NCAPH2: variants seen among roughly 807,000 people sequenced by gnomAD.
The protein encoded by NCAPH2 is non-SMC condensin II complex subunit H2, also known as condensin-2 complex subunit H2.
Under a neutral mutation model 88.6 loss-of-function variants are expected in NCAPH2, and 56 were observed. The ratio of observed to expected loss-of-function variants is 0.63; its 90% CI spans 0.51 to 0.79. The LOEUF (loss-of-function observed/expected upper bound fraction) is 0.79. NCAPH2 is among the 30% of genes least tolerant of loss of function. NCAPH2 has a pLI of 0.00. For missense variants in NCAPH2, 794 were observed against 792.0 expected (o/e 1.00, Z -0.03); for synonymous variants, 378 against 313.6 (o/e 1.21, Z -2.17).
chr22:50,518,481 G>C (rs1161130026), intron 7 of NCAPH2, among the ~76,000 whole-genome samples, 168 bp from the exon 8 acceptor site: 1 of 152,196 alleles, frequency 6.6e-6, no homozygotes, highest in African/African-American at 2.4e-5. Context: ...CTCAGTGCCA[G>C]AGACCTGGTG....
At position 50,523,966 on chromosome 22, in the gene NCAPH2, CGCACCACCT is replaced by C. The variant is rs1569521526; in HGVS notation, c.*598_*606del. 8.1e-6 allele frequency: 13 copies of C among 1,612,284 alleles called. No individual in the cohort carries two copies. The Admixed American group carries it at 8.3e-5, about 10-fold the overall frequency. ...CAAACCAGGCTCTGCTTCCAGCTGC[CGCACCACCT>C]GCACCAGCTTCTCCAGCTCGTCTGG... On this transcript the variant is annotated 3_prime_UTR_variant, in exon 20 of 20. Coordinates refer to ENST00000420993, the MANE Select transcript of NCAPH2 (RefSeq NM_152299.4).
chr22:50,511,806 T>C (rs6010126), intron 1 of NCAPH2, among the ~76,000 whole-genome samples: 20,205 of 150,732 alleles, frequency 0.13, 3,364 homozygotes, highest in African/African-American at 0.39. Context: ...CCACCACGCC[T>C]GGCTAATTTT....
At position 50,519,214 on chromosome 22, in the gene NCAPH2, C is replaced by T. The variant is rs751662903; in HGVS notation, c.755C>T (p.Pro252Leu). 1.9e-6 allele frequency: 3 copies of T among 1,610,830 alleles called. No individual in the cohort carries two copies. The highest frequency in any genetic ancestry group is 1.1e-5 in the South Asian group (1 of 90,420). Residue 252 changes from proline (P) to leucine (L), a missense_variant, in exon 9 of 20, where the codon CCC (proline) becomes CTC (leucine). Transcript: ENST00000420993. ...GGCCCCTCTCCAGAAGGCCCGATGC[C>T]CCTGGGTGGGGGCGAGGACGAGGAT... ...EPGPSPEGPM[P>L]LGGGEDEDAE...
At position 50,524,231 on chromosome 22, in the gene NCAPH2, G is replaced by A. The variant is rs751647088; in HGVS notation, c.*856G>A. On this transcript the variant is annotated 3_prime_UTR_variant, in exon 20 of 20. Coordinates refer to ENST00000420993, the MANE Select transcript of NCAPH2 (RefSeq NM_152299.4). ...GCCCCGAACAGGCCTGTGATCAGCA[G>A]CCGGGTTCGAAGCCCAGGGCCCTGG... 4 of 1,607,216 alleles carry A rather than the reference G, an allele frequency of 2.5e-6. No individual in the cohort carries two copies. The highest frequency in any genetic ancestry group is 1.7e-5 in the Admixed American group (1 of 60,006).
chr22:50,514,551 A>G (rs905614171), intron 1 of NCAPH2, among the ~76,000 whole-genome samples: 1 of 152,184 alleles, frequency 6.6e-6, no homozygotes, highest in African/African-American at 2.4e-5. Context: ...TGGGGAGGTG[A>G]GAAGACAAGT....
chr22:50,518,673 C>A lies in NCAPH2; in HGVS notation c.671C>A (p.Pro224Gln). 1 of 1,609,374 alleles carries A rather than the reference C, an allele frequency of 6.2e-7. No homozygotes were observed. Among genetic ancestry groups the A allele is most frequent in the Non-Finnish European group, 8.5e-7 (1 of 1,178,748 alleles). ...GACACCGGGAGGACTGAGGAGCAGC[C>A]AATGGAAGTTTCCGTGTGCAGGAGC... Reference protein sequence around the residue: ...QKDTGRTEEQPMEVSVCRSPV... With the variant: ...QKDTGRTEEQQMEVSVCRSPV... The change falls in exon 8 of 20, where the codon CCA becomes CAA. Residue 224 changes from proline to glutamine, a missense_variant. By Grantham distance (76) the Pro-to-Gln change is moderately conservative. Around this residue, in one of 2 missense-constraint regions of NCAPH2, gnomAD observed 735 missense variants for 696.3 expected, o/e 1.06. Coordinates refer to ENST00000420993, the MANE Select transcript of NCAPH2 (RefSeq NM_152299.4).
chr22:50,519,209 G>A lies in NCAPH2; in HGVS notation c.750G>A (p.Pro250=), dbSNP rs773443373. Residue 250 remains proline (P), a synonymous_variant, in exon 9 of 20, where the codon CCG becomes CCA. Transcript: ENST00000420993. The part of the protein sequence containing the change: ...SQEPGPSPEG[P]MPLGGGEDED... ...GCCTAGGCCCCTCTCCAGAAGGCCCGATGCCCCTGGGTGGGGGCGAGGACG... is the reference window on the plus strand; with the variant it reads ...GCCTAGGCCCCTCTCCAGAAGGCCCAATGCCCCTGGGTGGGGGCGAGGACG... 2.6e-5 allele frequency: 42 copies of A among 1,610,246 alleles called. No individual in the cohort carries two copies. The highest frequency in any genetic ancestry group is 3.4e-5 in the Non-Finnish European group (40 of 1,178,946).
At position 50,522,015 on chromosome 22, in the gene NCAPH2, C is replaced by T. The variant is rs201104432; in HGVS notation, c.1138C>T (p.Arg380Trp). Residue 380 changes from arginine (R) to tryptophan (W), a missense_variant, in exon 13 of 20, where the codon CGG (arginine) becomes TGG (tryptophan). Around this residue, in one of 2 missense-constraint regions of NCAPH2, gnomAD observed 735 missense variants for 696.3 expected, o/e 1.06. Transcript: ENST00000420993. ...YADHADSRRLRRKGPSFADME... is the reference protein window; with the variant it reads ...YADHADSRRLWRKGPSFADME... Reference sequence around the variant, plus strand: ...AGACCATGCCGACAGCAGGCGGCTTCGGCGAAAGGGTCCGTCCTTTGCAGG... The same window carrying T: ...AGACCATGCCGACAGCAGGCGGCTTTGGCGAAAGGGTCCGTCCTTTGCAGG... 4.1e-5 allele frequency: 66 copies of T among 1,614,022 alleles called. No individual in the cohort carries two copies. Among genetic ancestry groups the T allele is most frequent in the Non-Finnish European group, 4.9e-5 (58 of 1,179,964 alleles).
In NCAPH2 at chr22:50,523,090, G is replaced by C; in HGVS notation, c.1601G>C (p.Trp534Ser). 6.2e-7 allele frequency: 1 copy of C among 1,613,056 alleles called. No individual in the cohort carries two copies. The highest frequency in any genetic ancestry group is 8.5e-7 in the Non-Finnish European group (1 of 1,179,450). ...TCACGGTTCCCCCAGCTCAATGAGTGGTGTCCCTTTGCGGAGCTGGTGGCT... is the reference window on the plus strand; with the variant it reads ...TCACGGTTCCCCCAGCTCAATGAGTCGTGTCCCTTTGCGGAGCTGGTGGCT... ...LVSRFPQLNE[W>S]CPFAELVAGQ... Residue 534 changes from tryptophan (W) to serine (S), a missense_variant, in exon 19 of 20, where the codon TGG becomes TCG. Trp to Ser is a radical substitution (Grantham distance 177). Coordinates refer to ENST00000420993, the MANE Select transcript of NCAPH2 (RefSeq NM_152299.4).
chr22:50,518,266 G>A lies in NCAPH2; in HGVS notation c.634G>A (p.Gly212Arg). Residue 212 changes from glycine (G) to arginine (R), a missense_variant, in exon 7 of 20, where the codon GGG (glycine) becomes AGG (arginine). Transcript: ENST00000420993. ...MEPAGVSPMP[G>R]TQKDTGRTEE... ...ACCAGCGGGCGTTTCCCCCATGCCA[G>A]GGACCCAGAAGGGTGAGGGCTTGGA... 1 of 1,613,168 alleles carries A rather than the reference G, an allele frequency of 6.2e-7. No individual in the cohort carries two copies. Among genetic ancestry groups the A allele is most frequent in the Non-Finnish European group, 8.5e-7 (1 of 1,179,928 alleles).
rs769224871 is a variant in NCAPH2 at position 50,523,364 on chromosome 22, GCCCAGCCCTGAGTGGGGAGCA to G, written c.1810_*12del. On this transcript the variant is annotated stop_lost and 3_prime_UTR_variant, in exon 20 of 20. Coordinates refer to ENST00000420993, the MANE Select transcript of NCAPH2 (RefSeq NM_152299.4). ...CCAGACCTACGCTGCCCCCTCCATGGCCCAGCCCTGAGTGGGGAGCACCGAGGCAGGGGTGGGGGAATGTGT... is the reference window on the plus strand; with the variant it reads ...CCAGACCTACGCTGCCCCCTCCATGGCCGAGGCAGGGGTGGGGGAATGTGT... 1.4e-5 allele frequency: 21 copies of G among 1,548,556 alleles called. No individual in the cohort carries two copies. The highest frequency in any genetic ancestry group is 1.7e-5 in the Non-Finnish European group (20 of 1,146,342).
At chr22:50,509,475 C>A (rs2068726746) in intron 1 of NCAPH2, among the ~76,000 whole-genome samples, 1 of 152,162 alleles carries the variant, frequency 6.6e-6, no homozygotes, top group African/African-American at 2.4e-5. Context: ...TAGTGAAGCC[C>A]CATGCTTAAC....
At position 50,522,246 on chromosome 22, in the gene NCAPH2, A is replaced by C. The variant is rs1474133307; in HGVS notation, c.1228A>C (p.Arg410=). ...QLETLRKLQR[R]EVAEQWLRPA... is the part of the protein sequence containing the mutation. The stretch of plus-strand genomic sequence containing the variant: ...GGAAACTCTCCGGAAGCTGCAGAGG[A>C]GGGAGGCAAGTCCCAGCTGGTCAGC... The change falls in exon 14 of 20, where the codon AGG becomes CGG. Residue 410 remains arginine, a synonymous_variant. Transcript: ENST00000420993. 6.2e-7 allele frequency: 1 copy of C among 1,613,708 alleles called. No individual in the cohort carries two copies. Among genetic ancestry groups the C allele is most frequent in the African/African-American group, 1.3e-5 (1 of 75,054 alleles).
At chr22:50,521,182 A>G (rs533530799) in intron 10 of NCAPH2, 146 bp downstream of exon 10, 2 of 874,128 alleles carry the variant, frequency 2.3e-6, no homozygotes, top group East Asian at 5.3e-5. Context: ...AGACCCCCTC[A>G]TGCGACTCTG....
intron 1 of NCAPH2, among the ~76,000 whole-genome samples, chr22:50,513,496 C>T (rs187768539): frequency 1.1e-4 from 16 of 152,326 alleles, no homozygotes; most frequent in Admixed American, 9.8e-4. Context: ...AGGTGGCTTA[C>T]GCCTGTAATG....
Position 50,522,509 on chromosome 22 carries a change from C to T in NCAPH2, c.1315C>T (p.Leu439=). The part of the protein sequence containing the change: ...LEDLGAADDF[L]EPEEYMEPEG... ...CTCCCACCTCCCAGCAGATGACTTT[C>T]TAGAGCCTGAGGAGTACATGGAGCC... Residue 439 remains leucine, a synonymous_variant, in exon 16 of 20, where the codon CTA becomes TTA. Coordinates refer to ENST00000420993, the MANE Select transcript of NCAPH2 (RefSeq NM_152299.4). The T allele has an allele frequency of 1.2e-6, 2 of 1,613,684 alleles. No individual in the cohort carries two copies. Among genetic ancestry groups the T allele is most frequent in the Non-Finnish European group, 1.7e-6 (2 of 1,179,960 alleles).
intron 16 of NCAPH2, 37 bp downstream of exon 16, chr22:50,522,606 C>G (rs1393551244): frequency 6.2e-7 from 1 of 1,613,578 alleles, no homozygotes; most frequent in Non-Finnish European, 8.5e-7. Flanking sequence ...TGAGGGGCCA[C>G]TGGAGCTGGG....
chr22:50,521,597 C>T lies in NCAPH2; in HGVS notation c.988C>T (p.Pro330Ser). The change falls in exon 11 of 20, where the codon CCC becomes TCC. Residue 330 changes from proline to serine, a missense_variant. Physicochemically the swap from Pro to Ser is moderately conservative, Grantham distance 74. Around this residue, in one of 2 missense-constraint regions of NCAPH2, gnomAD observed 735 missense variants for 696.3 expected, o/e 1.06. Coordinates refer to ENST00000420993, the MANE Select transcript of NCAPH2 (RefSeq NM_152299.4). ...CCCCTTTGACTCCTTGGAGTCTAAG[C>T]CCTTCAAGAAAGGTAATTGGGTGGA... is the stretch of plus-strand genomic sequence containing the variant. ...LDPFDSLESK[P>S]FKKGRPYSVP... The T allele has an allele frequency of 6.2e-7, 1 of 1,613,682 alleles. No homozygotes were observed.
At chr22:50,520,754 G>T (rs1447939413) in intron 9 of NCAPH2, 7 of 537,726 alleles carry the variant, frequency 1.3e-5, no homozygotes, top group Non-Finnish European at 2.3e-5. Flanking sequence ...TAGAGGCGGG[G>T]GTTTCACCAT....
Sources: allele counts gnomAD v4.1 joint callset (sites outside exome capture counted in the v4.1 genomes callset), GRCh38; gene constraint gnomAD v4.1.1; regional missense constraint gnomAD v4.1.1; transcripts MANE v1.5; gene names NCBI Gene and HGNC (gene_info 2026-07-23, HGNC 2026-07-21).